TRHDE: variants seen among roughly 807,000 people sequenced by gnomAD.
TRHDE encodes the protein thyrotropin-releasing hormone-degrading ectoenzyme.
Under a neutral mutation model 125.7 loss-of-function variants are expected in TRHDE, and 72 were observed. The observed-to-expected ratio is 0.57, with a 90% confidence interval of 0.47 to 0.70. The LOEUF (loss-of-function observed/expected upper bound fraction) is 0.70, where lower values mean the gene tolerates loss of function less well. TRHDE is among the 30% of genes least tolerant of loss of function. TRHDE has a pLI of 0.00. For synonymous variants in TRHDE, 509 were observed against 509.1 expected (o/e 1.00, Z 0.00); for missense variants, 1,110 against 1,327.1 (o/e 0.84, Z 2.54).
chr12:72,551,044 C>A (rs142238559), intron 7 of TRHDE, among the ~76,000 whole-genome samples: 59 of 151,884 alleles, frequency 3.9e-4, no homozygotes, highest in African/African-American at 1.3e-3. Context: ...AAATTGAGGT[C>A]TTATTCTCTT....
chr12:72,430,319 ATG>A (rs2135840357), intron 3 of TRHDE, among the ~76,000 whole-genome samples: 2 of 141,690 alleles, frequency 1.4e-5, no homozygotes, highest in East Asian at 4.0e-4. Context: ...GTATATATAC[ATG>A]TATACATATA....
At chr12:72,661,301 C>T (rs1431865749) in intron 18 of TRHDE, among the ~76,000 whole-genome samples, 2 of 152,114 alleles carry the variant, frequency 1.3e-5, no homozygotes, top group Admixed American at 6.6e-5. Context: ...GGCTTACCAT[C>T]TCATAAGGAA....
chr12:72,621,616 A>G, intron 14 of TRHDE, 28 bp from the exon 15 acceptor site: 1 of 1,509,528 alleles, frequency 6.6e-7, no homozygotes, highest in Non-Finnish European at 9.1e-7. Context: ...CTTTCTTTTT[A>G]ATTTGTTTCC....
At chr12:72,649,177 T>C (rs917073974) in intron 15 of TRHDE, among the ~76,000 whole-genome samples, 1 of 152,008 alleles carries the variant, frequency 6.6e-6, no homozygotes, top group Non-Finnish European at 1.5e-5. Flanking sequence ...AATATGGTAC[T>C]ATAATAAAGA....
intron 2 of TRHDE, among the ~76,000 whole-genome samples, chr12:72,287,227 G>A (rs1592520558): frequency 6.6e-6 from 1 of 151,988 alleles, no homozygotes. Context: ...CTGCACTATT[G>A]TACATCTCTG....
intron 12 of TRHDE, among the ~76,000 whole-genome samples, chr12:72,587,450 G>T (rs993279598): frequency 6.6e-6 from 1 of 152,024 alleles, no homozygotes; most frequent in Admixed American, 6.6e-5. Context: ...TGGTAGTTAC[G>T]TAGATAGATT....
chr12:72,567,357 C>T (rs1427329641), intron 9 of TRHDE, among the ~76,000 whole-genome samples: 1 of 151,684 alleles, frequency 6.6e-6, no homozygotes, highest in East Asian at 1.9e-4. Flanking sequence ...AAATTAAGAA[C>T]TGTAAACATA....
chr12:72,308,191 A>G (rs1041525529), intron 2 of TRHDE, among the ~76,000 whole-genome samples: 1 of 150,498 alleles, frequency 6.6e-6, no homozygotes, highest in Non-Finnish European at 1.5e-5. Context: ...TCGGTGGCTA[A>G]AGTACATTTA....
intron 2 of TRHDE, among the ~76,000 whole-genome samples, chr12:72,232,092 C>T (rs1308109740): frequency 6.6e-6 from 1 of 152,114 alleles, no homozygotes; most frequent in African/African-American, 2.4e-5. Flanking sequence ...AGACAACTGC[C>T]ACTGAAAAGA....
intron 2 of TRHDE, among the ~76,000 whole-genome samples, chr12:72,198,727 C>T (rs1388415444): frequency 2.0e-5 from 3 of 152,108 alleles, no homozygotes; most frequent in African/African-American, 4.8e-5. Context: ...TGCAGTAGAT[C>T]AGATATTTTC....
At chr12:72,516,997 C>G (rs1282725775) in intron 6 of TRHDE, among the ~76,000 whole-genome samples, 14 of 152,054 alleles carry the variant, frequency 9.2e-5, no homozygotes, top group African/African-American at 1.9e-4. Context: ...ATGAAGCCCA[C>G]TTGATCATGG....
At chr12:72,161,068 T>G (rs1158046345) in intron 2 of TRHDE, among the ~76,000 whole-genome samples, 1 of 152,198 alleles carries the variant, frequency 6.6e-6, no homozygotes, top group Non-Finnish European at 1.5e-5. Flanking sequence ...TGTACCTGTA[T>G]TGTATGACCT....
intron 3 of TRHDE, among the ~76,000 whole-genome samples, chr12:72,453,847 C>T (rs887300839): frequency 6.6e-6 from 1 of 152,178 alleles, no homozygotes; most frequent in African/African-American, 2.4e-5. Context: ...GGGTGTAAGC[C>T]ATAAGCCTTG....
In TRHDE at chr12:72,657,016, T is replaced by C. The variant is rs1253207717; in HGVS notation, c.3066+8T>C. The C allele has an allele frequency of 6.6e-7, 1 of 1,519,290 alleles. No individual in the cohort carries two copies. The highest frequency in any genetic ancestry group is 9.1e-7 in the Non-Finnish European group (1 of 1,101,704). 94.1% of individuals were successfully genotyped at this position (1,519,290 alleles called of 1,614,324 possible). A position where few individuals can be genotyped will look rare whatever the true frequency, so the allele number is the denominator to read the frequency against. Reference sequence around the variant, plus strand: ...GAAGGTGAACTCAAAGAGGTAAATATTTTAAGATGAAGTCTAATTATTTTC... The same window carrying C: ...GAAGGTGAACTCAAAGAGGTAAATACTTTAAGATGAAGTCTAATTATTTTC... On this transcript the variant is annotated splice_region_variant and intron_variant, in intron 18 of 18. Transcript: ENST00000261180.
At chr12:72,088,617 TA>T (rs1874721325) in intron 1 of TRHDE, among the ~76,000 whole-genome samples, 1 of 151,956 alleles carries the variant, frequency 6.6e-6, no homozygotes, top group Non-Finnish European at 1.5e-5. Context: ...CTCTCATCTG[TA>T]AAATGGAAAT....
At chr12:72,545,715 T>G (rs1254472492) in intron 7 of TRHDE, among the ~76,000 whole-genome samples, 2 of 151,710 alleles carry the variant, frequency 1.3e-5, no homozygotes, top group Non-Finnish European at 3.0e-5. Context: ...AGTTTTATTT[T>G]GCTAGTATAA....
intron 2 of TRHDE, among the ~76,000 whole-genome samples, chr12:72,160,521 T>C (rs1220146710): frequency 6.6e-6 from 1 of 151,988 alleles, no homozygotes; most frequent in Non-Finnish European, 1.5e-5. Context: ...ACAACATCTC[T>C]ACTAAAAATA....
intron 12 of TRHDE, among the ~76,000 whole-genome samples, chr12:72,596,602 T>C (rs1871950793): frequency 1.3e-5 from 2 of 152,210 alleles, no homozygotes; most frequent in Admixed American, 1.3e-4. Flanking sequence ...TGGTCAGTTC[T>C]GGATAGTATA....
intron 2 of TRHDE, among the ~76,000 whole-genome samples, chr12:72,347,850 G>A (rs964823559): frequency 1.4e-4 from 22 of 152,008 alleles, no homozygotes; most frequent in Non-Finnish European, 2.4e-4. Context: ...TTGGCCTCCC[G>A]TTACTTTTGT....
Sources: gnomAD v4.1 joint callset for allele counts (sites outside exome capture counted in the v4.1 genomes callset) on GRCh38, gnomAD v4.1.1 for gene constraint, MANE v1.5 for transcripts, NCBI Gene and HGNC (gene_info 2026-07-23, HGNC 2026-07-21) for gene names.